The following SGCZ variants were observed in gnomAD, a reference collection of about 807,000 sequenced individuals.
SGCZ encodes sarcoglycan zeta.
In SGCZ, 40 loss-of-function variants were observed where a neutral mutation model predicts 41.3. That is an observed-to-expected ratio of 0.97 (90% CI 0.75 to 1.26). The LOEUF is 1.26. Among genes scored for constraint, SGCZ ranks in the 50% most tolerant of loss-of-function variants. SGCZ has a pLI of 0.00. For missense variants in SGCZ, 552 were observed against 369.8 expected (o/e 1.49, Z -4.04); for synonymous variants, 206 against 137.5 (o/e 1.50, Z -3.49).
intron 1 of SGCZ, among the ~76,000 whole-genome samples, chr8:14,746,136 C>T (rs17120204): frequency 0.034 from 5,109 of 151,998 alleles, 155 homozygotes; most frequent in African/African-American, 0.072. Context: ...CAGCATCCAA[C>T]CCACAAGGTC....
chr8:14,257,903 A>G (rs1301289601), intron 3 of SGCZ, among the ~76,000 whole-genome samples: 1 of 152,174 alleles, frequency 6.6e-6, no homozygotes, highest in Non-Finnish European at 1.5e-5. Flanking sequence ...TGAAACTGGA[A>G]AGATATAGAT....
Position 15,102,434 on chromosome 8 carries a change from G to A in SGCZ, c.39+135151C>T, listed in dbSNP as rs150841871. Reference sequence around the variant, plus strand: ...CAGTGAAACTAACCTGTATGATACTGTAATAATGAATAAATGACATTATGC... The same window carrying A: ...CAGTGAAACTAACCTGTATGATACTATAATAATGAATAAATGACATTATGC... On this transcript the variant is annotated intron_variant, in intron 1 of 7. Transcript: ENST00000382080. Among the ~76,000 whole-genome samples the A allele has an allele frequency of 6.3e-3, 953 of 152,270 alleles. 6 individuals are homozygous for A. The highest frequency in any genetic ancestry group is 8.8e-3 in the Non-Finnish European group (596 of 68,024).
intron 2 of SGCZ, among the ~76,000 whole-genome samples, chr8:14,462,140 C>T (rs531827019): frequency 1.4e-4 from 22 of 151,952 alleles, no homozygotes; most frequent in African/African-American, 5.3e-4. Context: ...AAATATTTAA[C>T]ATTGTGACAC....
At chr8:14,869,329 C>T (rs975149994) in intron 1 of SGCZ, among the ~76,000 whole-genome samples, 16 of 151,928 alleles carry the variant, frequency 1.1e-4, no homozygotes, top group African/African-American at 3.9e-4. Context: ...CAGAATCAAT[C>T]ACAAAAAACA....
intron 1 of SGCZ, among the ~76,000 whole-genome samples, chr8:14,858,229 G>C (rs1234456488): frequency 6.6e-6 from 1 of 151,582 alleles, no homozygotes; most frequent in South Asian, 2.1e-4. Context: ...ATATTAATGA[G>C]AAATTAAGAT....
intron 3 of SGCZ, among the ~76,000 whole-genome samples, chr8:14,244,320 T>C (rs772922857): frequency 8.5e-5 from 13 of 152,080 alleles, no homozygotes; most frequent in Non-Finnish European, 1.5e-4. Context: ...TAAAAATTCA[T>C]TTCCGTGAAA....
chr8:15,217,379 C>T (rs1040071111), intron 1 of SGCZ, among the ~76,000 whole-genome samples: 8 of 150,098 alleles, frequency 5.3e-5, no homozygotes, highest in East Asian at 2.0e-4. Context: ...ATTGCGCCAC[C>T]GCACTCCAAC....
chr8:14,824,322 A>G (rs545898077), intron 1 of SGCZ, among the ~76,000 whole-genome samples: 2 of 152,262 alleles, frequency 1.3e-5, no homozygotes, highest in South Asian at 4.1e-4. Flanking sequence ...GGATCATTAT[A>G]CAACATAGAT....
chr8:14,767,846 T>G (rs1036771676), intron 1 of SGCZ, among the ~76,000 whole-genome samples: 4 of 152,170 alleles, frequency 2.6e-5, no homozygotes, highest in Admixed American at 6.5e-5. Flanking sequence ...TTAATTCATA[T>G]TTAGATTCTT....
chr8:14,754,097 A>G (rs1292579429), intron 1 of SGCZ, among the ~76,000 whole-genome samples: 1 of 152,218 alleles, frequency 6.6e-6, no homozygotes, highest in Non-Finnish European at 1.5e-5. Flanking sequence ...TTTTGGAGCT[A>G]AAGTCCAGAC....
intron 3 of SGCZ, among the ~76,000 whole-genome samples, chr8:14,321,414 G>C (rs541142741): frequency 6.6e-6 from 1 of 152,026 alleles, no homozygotes; most frequent in Non-Finnish European, 1.5e-5. Flanking sequence ...AGCTTGTAAA[G>C]TTGGCCCAGC....
At chr8:14,348,297 T>G (rs751701003) in intron 2 of SGCZ, among the ~76,000 whole-genome samples, 1 of 152,112 alleles carries the variant, frequency 6.6e-6, no homozygotes, top group Non-Finnish European at 1.5e-5. Context: ...CTTTGCAGCT[T>G]GAATCCAGAC....
chr8:14,312,279 T>C lies in SGCZ; in HGVS notation c.336+11824A>G, dbSNP rs546606167. Among the ~76,000 whole-genome samples, 101 of 152,294 alleles carry C rather than the reference T, an allele frequency of 6.6e-4. 1 individual carries two copies. Among genetic ancestry groups the C allele is most frequent in the Non-Finnish European group, 1.0e-3 (70 of 68,016 alleles). On this transcript the variant is annotated intron_variant, in intron 3 of 7. Coordinates refer to ENST00000382080, the MANE Select transcript of SGCZ (RefSeq NM_139167.4). ...TTGAAAAACACTAAACTAGTTTAAG[T>C]ACTGCTAATATATTTTTTGTGGTCT... is the stretch of plus-strand genomic sequence containing the variant.
At chr8:14,682,775 T>C (rs766774917) in intron 1 of SGCZ, among the ~76,000 whole-genome samples, 8 of 152,212 alleles carry the variant, frequency 5.3e-5, no homozygotes, top group Admixed American at 6.5e-5. Flanking sequence ...CCATGCAGAA[T>C]ACTTTACCTT....
At chr8:14,721,249 T>C (rs951350746) in intron 1 of SGCZ, among the ~76,000 whole-genome samples, 5 of 152,206 alleles carry the variant, frequency 3.3e-5, no homozygotes, top group Admixed American at 1.3e-4. Context: ...ATATTATCTA[T>C]AAACTGAAAA....
intron 4 of SGCZ, among the ~76,000 whole-genome samples, chr8:14,221,843 C>T (rs1447372286): frequency 6.6e-6 from 1 of 151,948 alleles, no homozygotes; most frequent in Non-Finnish European, 1.5e-5. Context: ...ATGGCGTGTG[C>T]CTGTAATCTC....
chr8:15,226,965 C>T (rs528252068), intron 1 of SGCZ, among the ~76,000 whole-genome samples: 2 of 152,178 alleles, frequency 1.3e-5, no homozygotes, highest in African/African-American at 2.4e-5. Flanking sequence ...CTAAACAAGA[C>T]GAAGAACATA....
At chr8:14,720,906 G>T (rs1182315453) in intron 1 of SGCZ, among the ~76,000 whole-genome samples, 1 of 80,368 alleles carries the variant, frequency 1.2e-5, no homozygotes, top group African/African-American at 4.7e-5. Context: ...ATACTTCATG[G>T]AAACTGTTTT....
intron 1 of SGCZ, among the ~76,000 whole-genome samples, chr8:14,694,056 A>G (rs1808884261): frequency 6.6e-6 from 1 of 152,220 alleles, no homozygotes; most frequent in Non-Finnish European, 1.5e-5. Flanking sequence ...TTCTTACAAA[A>G]CAGAGCAAAA....
Sources: gnomAD v4.1 joint callset for allele counts (sites outside exome capture counted in the v4.1 genomes callset) on GRCh38, gnomAD v4.1.1 for gene constraint, MANE v1.5 for transcripts, NCBI Gene and HGNC (gene_info 2026-07-23, HGNC 2026-07-21) for gene names.